Variants in NLRP1 observed in about 807,000 individuals in gnomAD.
The protein encoded by NLRP1 is NACHT, LRR and PYD domains-containing protein 1.
NLRP1 carries 94 observed loss-of-function variants against 136.7 expected under a neutral mutation model. That is an observed-to-expected ratio of 0.69 (90% CI 0.58 to 0.82). The LOEUF is 0.82. Ranked by LOEUF, NLRP1 falls within the 40% of genes least tolerant of loss-of-function variation. The pLI is 0.00. For missense variants in NLRP1, 1,575 were observed against 1,802.7 expected, an observed-to-expected ratio of 0.87 and a Z score of 2.29; for synonymous variants, 690 against 725.1, an observed-to-expected ratio of 0.95 and a Z score of 0.78.
At chr17:5,506,816 G>A (rs971319530) in intron 15 of NLRP1, among the ~76,000 whole-genome samples, 9 of 150,988 alleles carry the variant, frequency 6.0e-5, no homozygotes, top group Non-Finnish European at 1.0e-4. Context: ...GCAGGAGAAT[G>A]GCTTGAGCCC....
downstream of NLRP1, among the ~76,000 whole-genome samples, chr17:5,511,042 C>G (rs1265812009): frequency 6.6e-6 from 1 of 151,728 alleles, no homozygotes; most frequent in Non-Finnish European, 1.5e-5. Context: ...CATCTGAAAA[C>G]CTGTTTCAAG....
intron 3 of NLRP1, among the ~76,000 whole-genome samples, chr17:5,570,717 G>C (rs1202455570): frequency 1.3e-5 from 2 of 152,022 alleles, no homozygotes; most frequent in East Asian, 3.9e-4. Flanking sequence ...TTGAGGAGGA[G>C]GGGACTCCTC....
In NLRP1 at chr17:5,576,838, T is replaced by G. The variant is rs150195263; in HGVS notation, c.652+5021A>C. On this transcript the variant is annotated intron_variant, in intron 3 of 16. Coordinates refer to ENST00000572272, the MANE Select transcript of NLRP1 (RefSeq NM_033004.4). The stretch of plus-strand genomic sequence containing the variant: ...AGGAATTTTAGACCAATATCCCTGA[T>G]GAACATTGATGCAAAAATCCTCAAT... Among the ~76,000 whole-genome samples the G allele has an allele frequency of 2.0e-5, 3 of 152,296 alleles. No homozygotes were observed. The East Asian group carries it at 5.8e-4, about 29-fold the overall frequency.
chr17:5,529,322 A>G (rs1425727579), intron 12 of NLRP1, among the ~76,000 whole-genome samples: 2 of 150,554 alleles, frequency 1.3e-5, no homozygotes, highest in Admixed American at 1.3e-4. Context: ...ATTTAGATAT[A>G]TATTAGGACT....
downstream of NLRP1, among the ~76,000 whole-genome samples, chr17:5,512,808 C>T (rs1907731028): frequency 6.6e-6 from 1 of 152,232 alleles, no homozygotes; most frequent in African/African-American, 2.4e-5. Context: ...TGAAAATTAG[C>T]ATATAATGAG....
In NLRP1 at chr17:5,559,847, A is replaced by T. The variant is rs760757998; in HGVS notation, c.849T>A (p.Leu283=). 6.2e-7 allele frequency: 1 copy of T among 1,614,192 alleles called. No individual in the cohort carries two copies. Among genetic ancestry groups the T allele is most frequent in the Admixed American group, 1.7e-5 (1 of 60,026 alleles). ...DFNQKFTQLL[L]LQRPHPRSQD... is the part of the protein sequence containing the mutation. ...GGCTTCTGGGGTGAGGTCTTTGTAG[A>T]AGTAGCAGCTGTGTGAATTTTTGGT... Residue 283 remains leucine (L), a synonymous_variant, in exon 4 of 17, where the codon CTT becomes CTA. Coordinates refer to ENST00000572272, the MANE Select transcript of NLRP1 (RefSeq NM_033004.4).
rs767718915 is a variant in NLRP1, at chr17:5,558,697, C to T, written c.1999G>A (p.Gly667Arg). 1 of 1,614,146 alleles carries T rather than the reference C, an allele frequency of 6.2e-7. No individual in the cohort carries two copies. Among genetic ancestry groups the T allele is most frequent in the South Asian group, 1.1e-5 (1 of 91,082 alleles). The change falls in exon 4 of 17, where the codon GGG (glycine) becomes AGG (arginine). Residue 667 changes from glycine to arginine, a missense_variant. By Grantham distance (125) the Gly-to-Arg change is moderately radical. Transcript: ENST00000572272. ...LEAYGIHGLF[G>R]ASTTRFLLGL... is the part of the protein sequence containing the mutation. ...AATAGGAAACGTGTGGTTGATGCCC[C>T]AAACAGGCCATGTATTCCATATGCT...
intron 5 of NLRP1, among the ~76,000 whole-genome samples, chr17:5,548,395 C>G (rs1288864429): frequency 6.6e-6 from 1 of 152,176 alleles, no homozygotes; most frequent in Non-Finnish European, 1.5e-5. Flanking sequence ...CTCCTCCCTC[C>G]TCCCTCTGAG....
At chr17:5,509,348 C>T (rs1907510519), downstream of NLRP1, among the ~76,000 whole-genome samples, 1 of 152,202 alleles carries the variant, frequency 6.6e-6, no homozygotes, top group Non-Finnish European at 1.5e-5. Context: ...CCCCTGCTTC[C>T]TTCTTGCTCC....
At chr17:5,574,854 T>C (rs1052843566) in intron 3 of NLRP1, among the ~76,000 whole-genome samples, 2 of 151,850 alleles carry the variant, frequency 1.3e-5, no homozygotes, top group Admixed American at 1.3e-4. Context: ...TTAGTAGAGA[T>C]GGGGTTTCAC....
intron 3 of NLRP1, among the ~76,000 whole-genome samples, chr17:5,565,219 A>G (rs555813356): frequency 6.6e-6 from 1 of 152,146 alleles, no homozygotes; most frequent in Non-Finnish European, 1.5e-5. Context: ...TTTCATTTGC[A>G]TTTCTCTGAC....
chr17:5,530,616 A>G lies in NLRP1; in HGVS notation c.3385T>C (p.Phe1129Leu). Reference sequence around the variant, plus strand: ...CCCAGGAACTGGTCCCACACACAGAATTCAATCTCAACGGTCACCGCTTCT... The same window carrying G: ...CCCAGGAACTGGTCCCACACACAGAGTTCAATCTCAACGGTCACCGCTTCT... Reference protein sequence around the residue: ...MREAVTVEIEFCVWDQFLGEI... With the variant: ...MREAVTVEIELCVWDQFLGEI... The change falls in exon 12 of 17, where the codon TTC becomes CTC. Residue 1129 changes from phenylalanine (F) to leucine (L), a missense_variant. Coordinates refer to ENST00000572272, the MANE Select transcript of NLRP1 (RefSeq NM_033004.4). The G allele has an allele frequency of 6.2e-7, 1 of 1,614,212 alleles. No homozygotes were observed. Among genetic ancestry groups the G allele is most frequent in the Non-Finnish European group, 8.5e-7 (1 of 1,180,030 alleles).
chr17:5,576,247 C>G (rs1905007313), intron 3 of NLRP1, among the ~76,000 whole-genome samples: 1 of 152,130 alleles, frequency 6.6e-6, no homozygotes, highest in South Asian at 2.1e-4. Flanking sequence ...CATTCAAAAG[C>G]TAGCAGAAGG....
intron 13 of NLRP1, 97 bp downstream of exon 13, chr17:5,521,427 T>C: frequency 1.5e-6 from 2 of 1,299,714 alleles, no homozygotes; most frequent in Non-Finnish European, 2.1e-6. Flanking sequence ...AGGCCCATCC[T>C]TGGTCCCAGT....
intron 3 of NLRP1, among the ~76,000 whole-genome samples, chr17:5,579,803 A>G (rs915030304): frequency 1.3e-5 from 2 of 152,208 alleles, no homozygotes; most frequent in Non-Finnish European, 2.9e-5. Context: ...AAGTGAACTA[A>G]CACAGGAACA....
At chr17:5,574,116 C>T (rs1316025496) in intron 3 of NLRP1, among the ~76,000 whole-genome samples, 1 of 152,160 alleles carries the variant, frequency 6.6e-6, no homozygotes, top group Non-Finnish European at 1.5e-5. Context: ...CCTTAAATGA[C>T]CTGATGGAGC....
intron 5 of NLRP1, among the ~76,000 whole-genome samples, chr17:5,549,780 G>A (rs1223226439): frequency 7.9e-5 from 12 of 152,126 alleles, no homozygotes; most frequent in Non-Finnish European, 1.5e-5. Flanking sequence ...CCTAATCTTA[G>A]GGGGAAAGCA....
intron 3 of NLRP1, among the ~76,000 whole-genome samples, chr17:5,575,989 C>T (rs1169352529): frequency 3.3e-5 from 5 of 152,196 alleles, no homozygotes; most frequent in African/African-American, 1.2e-4. Context: ...AACCGCTCAA[C>T]TACATGGAAA....
downstream of NLRP1, among the ~76,000 whole-genome samples, chr17:5,511,653 G>A (rs1283061663): frequency 6.6e-6 from 1 of 152,144 alleles, no homozygotes; most frequent in Non-Finnish European, 1.5e-5. Context: ...GGGGAGGTCT[G>A]CAGAAGGAGG....
Sources: allele counts gnomAD v4.1 joint callset (sites outside exome capture counted in the v4.1 genomes callset), GRCh38; gene constraint gnomAD v4.1.1; transcripts MANE v1.5; gene names NCBI Gene and HGNC (gene_info 2026-07-23, HGNC 2026-07-21).